The following RTN1 variants were observed in gnomAD, a reference collection of about 807,000 sequenced individuals.
RTN1 encodes reticulon-1.
RTN1 carries 25 observed loss-of-function variants against 65.5 expected under a neutral mutation model. The observed-to-expected ratio is 0.38, with a 90% CI of 0.28 to 0.53. The LOEUF (loss-of-function observed/expected upper bound fraction) is 0.53. RTN1 is among the 20% of genes least tolerant of loss of function. RTN1 has a pLI of 0.79. For synonymous variants in RTN1, 471 were observed against 447.6 expected (o/e 1.05, Z -0.66); for missense variants, 983 against 1,025.4 (o/e 0.96, Z 0.57).
intron 3 of RTN1, among the ~76,000 whole-genome samples, chr14:59,672,029 C>G (rs907163719): frequency 1.3e-5 from 2 of 152,186 alleles, no homozygotes; most frequent in Non-Finnish European, 2.9e-5. Flanking sequence ...GTAGGAAGCA[C>G]AAATGTTGAA....
rs761086565 is a variant in RTN1, at chr14:59,842,179, A to G, written c.241+28211T>C. ...AAAAGAAAGCAAGTAGAGCAGGTAC[A>G]TGTCACAATAAGGAGTGTTAGCATA... On this transcript the variant is annotated intron_variant, in intron 1 of 8. Transcript: ENST00000267484. 1.3e-5 allele frequency among the ~76,000 whole-genome samples: 2 copies of G among 152,174 alleles called. 1 individual carries two copies. The highest frequency in any genetic ancestry group is 3.9e-4 in the East Asian group (2 of 5,178).
In RTN1 at chr14:59,609,945, TAC is replaced by T. The variant is rs571726342; in HGVS notation, c.1766-2455_1766-2454del. On this transcript the variant is annotated intron_variant, in intron 3 of 8. Coordinates refer to ENST00000267484, the MANE Select transcript of RTN1 (RefSeq NM_021136.3). Reference sequence around the variant, plus strand: ...ATGCTCGTACATATTTGGAAACAAATACATTATAAGACAGAATGATTTGTGCT... The same window carrying T: ...ATGCTCGTACATATTTGGAAACAAATATTATAAGACAGAATGATTTGTGCT... Among the ~76,000 whole-genome samples, 6 of 152,328 alleles carry T rather than the reference TAC, an allele frequency of 3.9e-5. No homozygotes were observed. In the East Asian group the frequency reaches 1.2e-3, roughly 29 times the overall value.
intron 1 of RTN1, among the ~76,000 whole-genome samples, chr14:59,817,321 G>A (rs780786507): frequency 2.0e-5 from 3 of 152,274 alleles, no homozygotes; most frequent in Non-Finnish European, 4.4e-5. Context: ...ATCTGACCAA[G>A]ACGATGCTTG....
intron 1 of RTN1, among the ~76,000 whole-genome samples, chr14:59,750,345 AAT>A (rs1373941007): frequency 3.7e-3 from 7 of 1,916 alleles, no homozygotes; most frequent in Non-Finnish European, 8.6e-3. Flanking sequence ...TTATATCTAT[AAT>A]ATATATTATA....
chr14:59,671,030 C>G (rs189235410), intron 3 of RTN1, among the ~76,000 whole-genome samples: 1 of 152,154 alleles, frequency 6.6e-6, no homozygotes, highest in Non-Finnish European at 1.5e-5. Context: ...ATCCATCACT[C>G]CATCCTGTTG....
chr14:59,842,219 C>A (rs1007675403), intron 1 of RTN1, among the ~76,000 whole-genome samples: 31 of 151,000 alleles, frequency 2.1e-4, no homozygotes, highest in Admixed American at 2.0e-3. Context: ...TATAATCATG[C>A]AAGAGTCAAT....
At chr14:59,749,567 A>C (rs571103579) in intron 1 of RTN1, among the ~76,000 whole-genome samples, 12 of 38,754 alleles carry the variant, frequency 3.1e-4, no homozygotes, top group African/African-American at 1.9e-3. Flanking sequence ...ATCTATATAT[A>C]GATATATATA....
At position 59,802,410 on chromosome 14, in the gene RTN1, TTG is replaced by T. The variant is rs1015824105; in HGVS notation, c.242-55931_242-55930del. 1.2e-4 allele frequency among the ~76,000 whole-genome samples: 18 copies of T among 152,162 alleles called. 1 individual carries two copies. The highest frequency in any genetic ancestry group is 8.5e-4 in the Admixed American group (13 of 15,288). Reference sequence around the variant, plus strand: ...CTACAACAGACTGATATGACTTTCTTTGTATCATTAAACAGTGGGGGGATGTG... The same window carrying T: ...CTACAACAGACTGATATGACTTTCTTTATCATTAAACAGTGGGGGGATGTG... On this transcript the variant is annotated intron_variant, in intron 1 of 8. Coordinates refer to ENST00000267484, the MANE Select transcript of RTN1 (RefSeq NM_021136.3).
At chr14:59,626,125 T>C (rs1882393203) in intron 3 of RTN1, among the ~76,000 whole-genome samples, 1 of 152,192 alleles carries the variant, frequency 6.6e-6, no homozygotes, top group Non-Finnish European at 1.5e-5. Context: ...AAAATGTCTT[T>C]CCCAAATACT....
intron 1 of RTN1, among the ~76,000 whole-genome samples, chr14:59,853,392 T>C (rs1594767900): frequency 6.6e-6 from 1 of 152,180 alleles, no homozygotes; most frequent in African/African-American, 2.4e-5. Context: ...CACAGATCCA[T>C]CCGCCAGTCA....
At chr14:59,690,153 T>G (rs1026508367) in intron 3 of RTN1, among the ~76,000 whole-genome samples, 13 of 151,900 alleles carry the variant, frequency 8.6e-5, no homozygotes, top group African/African-American at 3.1e-4. Flanking sequence ...ACACCTCACT[T>G]AAAAGGCACA....
At chr14:59,742,349 T>C (rs1290936074) in intron 2 of RTN1, among the ~76,000 whole-genome samples, 1 of 152,202 alleles carries the variant, frequency 6.6e-6, no homozygotes, top group Non-Finnish European at 1.5e-5. Flanking sequence ...AACAACATGG[T>C]GCTCCTGGTC....
chr14:59,634,005 CCTA>C (rs1171647413), intron 3 of RTN1, among the ~76,000 whole-genome samples: 66 of 152,182 alleles, frequency 4.3e-4, no homozygotes, highest in African/African-American at 1.6e-3. Flanking sequence ...AAGCAGAGTT[CCTA>C]CTTTATACGC....
At chr14:59,783,071 C>A (rs1356647874) in intron 1 of RTN1, among the ~76,000 whole-genome samples, 5 of 152,158 alleles carry the variant, frequency 3.3e-5, no homozygotes, top group African/African-American at 1.2e-4. Flanking sequence ...TCTGATTTTA[C>A]AGATGAAGAA....
intron 3 of RTN1, among the ~76,000 whole-genome samples, chr14:59,693,420 G>A (rs1398137582): frequency 2.0e-5 from 3 of 151,960 alleles, no homozygotes; most frequent in African/African-American, 7.3e-5. Flanking sequence ...AAGATATTTA[G>A]TGGTAACTTC....
intron 3 of RTN1, among the ~76,000 whole-genome samples, chr14:59,666,105 C>A (rs781638339): frequency 6.6e-6 from 1 of 152,176 alleles, no homozygotes; most frequent in Non-Finnish European, 1.5e-5. Context: ...TAGACATCTA[C>A]GGAAAGCTCC....
chr14:59,607,372 A>G lies in RTN1; in HGVS notation c.1886T>C (p.Leu629Pro). 1 of 1,614,176 alleles carries G rather than the reference A, an allele frequency of 6.2e-7. No homozygotes were observed. Among genetic ancestry groups the G allele is most frequent in the Non-Finnish European group, 8.5e-7 (1 of 1,180,030 alleles). The change falls in exon 4 of 9, where the codon CTG (leucine) becomes CCG (proline). Residue 629 changes from leucine (L) to proline (P), a missense_variant. By Grantham distance (98) the Leu-to-Pro change is moderately conservative. Around this residue, in one of 2 missense-constraint regions of RTN1, gnomAD observed 165 missense variants for 223.6 expected, o/e 0.74. Transcript: ENST00000267484. ...ACTGATGGTGGCTGAGAGTGCGGCC[A>G]GGGCCAGGTAGGCCACGACGCTCAC... ...SVVSVVAYLA[L>P]AALSATISFR...
intron 1 of RTN1, among the ~76,000 whole-genome samples, chr14:59,860,050 CAG>C (rs1485711782): frequency 1.3e-5 from 2 of 152,172 alleles, no homozygotes; most frequent in African/African-American, 2.4e-5. Flanking sequence ...AAGTCAGCAG[CAG>C]AGATTTGCAT....
At chr14:59,643,252 TA>T (rs371645314) in intron 3 of RTN1, among the ~76,000 whole-genome samples, 9 of 150,068 alleles carry the variant, frequency 6.0e-5, no homozygotes, top group South Asian at 4.2e-4. Context: ...CTACAAAAAA[TA>T]AAAAAAAAAT....
Sources: gnomAD v4.1 joint callset for allele counts (sites outside exome capture counted in the v4.1 genomes callset) on GRCh38, gnomAD v4.1.1 for gene constraint, gnomAD v4.1.1 regional missense constraint, MANE v1.5 for transcripts, NCBI Gene and HGNC (gene_info 2026-07-23, HGNC 2026-07-21) for gene names.